PLPPR1: variants seen among roughly 807,000 people sequenced by gnomAD.
PLPPR1 encodes the protein phospholipid phosphatase-related protein type 1.
A neutral mutation model predicts 33.1 loss-of-function variants in PLPPR1; 10 were observed. That is an observed-to-expected ratio of 0.30 (90% confidence interval 0.19 to 0.51). The LOEUF is 0.51. Ranked by LOEUF, PLPPR1 falls within the 20% of genes least tolerant of loss-of-function variation. The pLI is 0.97. For missense variants in PLPPR1, 304 were observed against 408.1 expected (o/e 0.74, Z 2.20); for synonymous variants, 151 against 151.0 (o/e 1.00, Z 0.00).
intron 1 of PLPPR1, among the ~76,000 whole-genome samples, chr9:101,172,343 C>A (rs1424359685): frequency 8.3e-6 from 1 of 120,954 alleles, no homozygotes; most frequent in Non-Finnish European, 1.9e-5. Flanking sequence ...GTAACAGACA[C>A]ACTAAAGGGG....
At chr9:101,289,115 G>A (rs1352624306) in intron 4 of PLPPR1, among the ~76,000 whole-genome samples, 2 of 152,160 alleles carry the variant, frequency 1.3e-5, no homozygotes, top group Non-Finnish European at 2.9e-5. Flanking sequence ...CCAAAGGAAA[G>A]TGTGACACCT....
intron 1 of PLPPR1, among the ~76,000 whole-genome samples, chr9:101,111,224 T>C (rs1831052242): frequency 1.3e-5 from 2 of 152,134 alleles, no homozygotes; most frequent in African/African-American, 4.8e-5. Context: ...CAAGTGTTAT[T>C]GCTATTAAAA....
intron 1 of PLPPR1, among the ~76,000 whole-genome samples, chr9:101,171,695 C>A (rs943235675): frequency 2.0e-5 from 3 of 152,166 alleles, no homozygotes; most frequent in African/African-American, 7.2e-5. Context: ...TTTGCACTCA[C>A]CTGCAATCTC....
rs12352556 is a variant in PLPPR1 at position 101,271,252 on chromosome 9, C to T, written c.252+1184C>T. 4.1e-3 allele frequency among the ~76,000 whole-genome samples: 631 copies of T among 152,292 alleles called. 4 individuals are homozygous for T. The highest frequency in any genetic ancestry group is 0.015 in the African/African-American group (608 of 41,564). ...CATCCTGACTTTGGGCAAGTCACCTCACTGTTCCCTCCCATACAAAATAAG... is the reference window on the plus strand; with the variant it reads ...CATCCTGACTTTGGGCAAGTCACCTTACTGTTCCCTCCCATACAAAATAAG... On this transcript the variant is annotated intron_variant, in intron 3 of 7. Coordinates refer to ENST00000374874, the MANE Select transcript of PLPPR1 (RefSeq NM_207299.2).
chr9:101,152,713 G>GTA (rs1831606845), intron 1 of PLPPR1, among the ~76,000 whole-genome samples: 1 of 152,026 alleles, frequency 6.6e-6, no homozygotes, highest in African/African-American at 2.4e-5. Flanking sequence ...GGTGGTAGAT[G>GTA]TGTGGTATTA....
intron 1 of PLPPR1, among the ~76,000 whole-genome samples, chr9:101,150,127 C>G (rs1452739441): frequency 6.6e-6 from 1 of 152,014 alleles, no homozygotes; most frequent in Non-Finnish European, 1.5e-5. Flanking sequence ...TGCCAACTTA[C>G]TCTTTTTATC....
At position 101,123,991 on chromosome 9, in the gene PLPPR1, G is replaced by A. The variant is rs113872629; in HGVS notation, c.-45-61459G>A. On this transcript the variant is annotated intron_variant, in intron 1 of 7. Coordinates refer to ENST00000374874, the MANE Select transcript of PLPPR1 (RefSeq NM_207299.2). ...TGCAAGCCCTGCCTCAGCTTCTCCC[G>A]ACACTCAGCTTTACCCAACATGCCC... 6.2e-3 allele frequency among the ~76,000 whole-genome samples: 943 copies of A among 152,162 alleles called. 19 individuals carry two copies. Among genetic ancestry groups the A allele is most frequent in the Non-Finnish European group, 5.5e-3 (374 of 67,992 alleles).
At chr9:101,087,687 A>G (rs1830695419) in intron 1 of PLPPR1, among the ~76,000 whole-genome samples, 1 of 152,210 alleles carries the variant, frequency 6.6e-6, no homozygotes, top group East Asian at 1.9e-4. Context: ...GTGAAGTGTC[A>G]ATACATTTTA....
intron 1 of PLPPR1, among the ~76,000 whole-genome samples, chr9:101,117,817 G>C (rs930931411): frequency 1.3e-5 from 2 of 152,150 alleles, no homozygotes; most frequent in African/African-American, 4.8e-5. Flanking sequence ...CCTGCACCTA[G>C]CACAGAACCT....
At chr9:101,222,611 AGAAG>A (rs2118794986) in intron 2 of PLPPR1, among the ~76,000 whole-genome samples, 1 of 152,324 alleles carries the variant, frequency 6.6e-6, no homozygotes, top group East Asian at 1.9e-4. Flanking sequence ...CCATAGTCTC[AGAAG>A]GAAGTACATA....
At chr9:101,233,731 ACT>A in intron 2 of PLPPR1, among the ~76,000 whole-genome samples, 1 of 151,924 alleles carries the variant, frequency 6.6e-6, no homozygotes, top group African/African-American at 2.4e-5. Flanking sequence ...ACCCTCCAGG[ACT>A]GTCCATTATA....
At chr9:101,313,869 T>C (rs1829005863) in intron 6 of PLPPR1, among the ~76,000 whole-genome samples, 1 of 152,234 alleles carries the variant, frequency 6.6e-6, no homozygotes, top group African/African-American at 2.4e-5. Flanking sequence ...TGTCATTCTA[T>C]ATTAGTTTGC....
intron 4 of PLPPR1, among the ~76,000 whole-genome samples, chr9:101,295,357 G>C (rs368810773): frequency 5.3e-5 from 8 of 151,602 alleles, no homozygotes; most frequent in Admixed American, 2.0e-4. Flanking sequence ...AATCAATATC[G>C]TGAAAATGGC....
chr9:101,041,569 A>C (rs1430471210), intron 1 of PLPPR1, among the ~76,000 whole-genome samples: 1 of 152,136 alleles, frequency 6.6e-6, no homozygotes, highest in Non-Finnish European at 1.5e-5. Flanking sequence ...ACCTCTGGCT[A>C]CTAGGTTTGG....
chr9:101,286,440 T>TC (rs958848944), intron 4 of PLPPR1, among the ~76,000 whole-genome samples: 1 of 152,084 alleles, frequency 6.6e-6, no homozygotes, highest in African/African-American at 2.4e-5. Flanking sequence ...CAACTGATTT[T>TC]CCCCCCACAT....
chr9:101,050,076 G>A (rs568628889), intron 1 of PLPPR1, among the ~76,000 whole-genome samples: 41 of 135,666 alleles, frequency 3.0e-4, no homozygotes, highest in Non-Finnish European at 5.0e-4. Flanking sequence ...AGTGAGCCGA[G>A]ATCGTGCCAC....
chr9:101,309,261 C>G lies in PLPPR1; in HGVS notation c.436C>G (p.Gln146Glu). Residue 146 changes from glutamine (Q) to glutamate (E), a missense_variant, in exon 5 of 8, where the codon CAA becomes GAA. Gln to Glu is a conservative substitution (Grantham distance 29). Coordinates refer to ENST00000374874, the MANE Select transcript of PLPPR1 (RefSeq NM_207299.2). The part of the protein sequence containing the change: ...FATDIFVNAG[Q>E]VVTGHLTPYF... Reference sequence around the variant, plus strand: ...TACTGACATTTTTGTAAACGCCGGACAAGTGGTCACTGGGCACTTAACGCC... The same window carrying G: ...TACTGACATTTTTGTAAACGCCGGAGAAGTGGTCACTGGGCACTTAACGCC... 6.2e-7 allele frequency: 1 copy of G among 1,614,120 alleles called. No individual in the cohort carries two copies. The highest frequency in any genetic ancestry group is 2.2e-5 in the East Asian group (1 of 44,870).
At chr9:101,094,127 A>G (rs1230744131) in intron 1 of PLPPR1, among the ~76,000 whole-genome samples, 1 of 152,158 alleles carries the variant, frequency 6.6e-6, no homozygotes, top group African/African-American at 2.4e-5. Flanking sequence ...AGCCAGAGTG[A>G]TATTTCTAAA....
At chr9:101,262,249 C>T (rs1472960420) in intron 2 of PLPPR1, among the ~76,000 whole-genome samples, 1 of 152,082 alleles carries the variant, frequency 6.6e-6, no homozygotes, top group Non-Finnish European at 1.5e-5. Context: ...ATTATTAACC[C>T]AGTTTTTCAA....
Sources: gnomAD v4.1 joint callset for allele counts (sites outside exome capture counted in the v4.1 genomes callset) on GRCh38, gnomAD v4.1.1 for gene constraint, MANE v1.5 for transcripts, NCBI Gene and HGNC (gene_info 2026-07-23, HGNC 2026-07-21) for gene names.